Variants in CEP164 observed in about 807,000 individuals in gnomAD.
CEP164 encodes the protein centrosomal protein 164.
Under a neutral mutation model 182.7 loss-of-function variants are expected in CEP164, and 162 were observed. That is an observed-to-expected ratio of 0.89 (90% CI 0.78 to 1.01). CEP164 has a LOEUF of 1.01. Ranked by LOEUF, CEP164 falls within the 50% of genes least tolerant of loss-of-function variation. The probability of loss-of-function intolerance (pLI) is 0.00; values close to 1 mark genes in which losing one functional copy is unlikely to be tolerated. For synonymous variants in CEP164, 661 were observed against 690.0 expected (o/e 0.96, Z 0.66); for missense variants, 1,735 against 1,790.4 (o/e 0.97, Z 0.56).
rs1209107349 is a variant in CEP164 at position 117,350,508 on chromosome 11, A to T, written c.195-1282A>T. Among the ~76,000 whole-genome samples the T allele has an allele frequency of 3.3e-5, 5 of 152,218 alleles. No individual in the cohort carries two copies. The East Asian group carries it at 9.6e-4, about 29-fold the overall frequency. ...ATTTGCATTTTCCCAGTGTTTAGTG[A>T]TGTGGGACATCTTTTCATGTGCTTA... On this transcript the variant is annotated intron_variant, in intron 4 of 32. Coordinates refer to ENST00000278935, the MANE Select transcript of CEP164 (RefSeq NM_014956.5).
chr11:117,346,759 G>A (rs1000335492), intron 4 of CEP164, among the ~76,000 whole-genome samples: 3 of 151,892 alleles, frequency 2.0e-5, no homozygotes, highest in East Asian at 3.9e-4. Flanking sequence ...AGCTACTTCC[G>A]AAGTTGAGTT....
At chr11:117,376,507 C>T (rs1181970142) in intron 11 of CEP164, among the ~76,000 whole-genome samples, 1 of 152,194 alleles carries the variant, frequency 6.6e-6, no homozygotes, top group Admixed American at 6.5e-5. Flanking sequence ...GCAGTTCTGG[C>T]ACATGATCTC....
intron 2 of CEP164, chr11:117,336,473 A>G: frequency 1.3e-6 from 2 of 1,487,080 alleles, no homozygotes; most frequent in South Asian, 1.2e-5. Flanking sequence ...CCTGGGAGGA[A>G]AGCTGGATTG....
At chr11:117,357,110 A>G (rs2040394811) in intron 5 of CEP164, among the ~76,000 whole-genome samples, 1 of 152,070 alleles carries the variant, frequency 6.6e-6, no homozygotes, top group African/African-American at 2.4e-5. Context: ...TTTTTATTTT[A>G]TTTTTTAGAC....
intron 14 of CEP164, chr11:117,386,420 CT>C (rs1202632522): frequency 6.6e-6 from 1 of 152,222 alleles, no homozygotes; most frequent in African/African-American, 2.4e-5. Context: ...TTATACACAT[CT>C]TTTTAATGGA....
rs1310438763 is a variant in CEP164 at position 117,410,823 on chromosome 11, T to C, written c.4097-5T>C. ...TTTCTGAGTCCTGTCCCCATGCTCTTCCAGCTGGCATCCCGCTGCTCAGCA... is the reference window on the plus strand; with the variant it reads ...TTTCTGAGTCCTGTCCCCATGCTCTCCCAGCTGGCATCCCGCTGCTCAGCA... On this transcript the variant is annotated splice_region_variant and splice_polypyrimidine_tract_variant and intron_variant, in intron 30 of 32. Transcript: ENST00000278935. 2.5e-6 allele frequency: 4 copies of C among 1,611,952 alleles called. No individual in the cohort carries two copies. The highest frequency in any genetic ancestry group is 2.2e-5 in the East Asian group (1 of 44,826).
At chr11:117,336,781 G>A (rs2037198862) in intron 2 of CEP164, 1 of 606,912 alleles carries the variant, frequency 1.6e-6, no homozygotes. Context: ...TTCTGAGGAA[G>A]TGGGGACTGG....
intron 5 of CEP164, among the ~76,000 whole-genome samples, chr11:117,359,950 A>G (rs1455121417): frequency 6.6e-6 from 1 of 152,124 alleles, no homozygotes; most frequent in East Asian, 1.9e-4. Flanking sequence ...GGTCTCACGA[A>G]TTCTGACTCG....
In CEP164 at chr11:117,410,894, G is replaced by T; in HGVS notation, c.4163G>T (p.Ser1388Ile). ...AGCAGGCTGGGTTACATGTCTGCCAGGTGAGCCTCCCTGGGGGCTGGTTGG... is the reference window on the plus strand; with the variant it reads ...AGCAGGCTGGGTTACATGTCTGCCATGTGAGCCTCCCTGGGGGCTGGTTGG... ...LESRLGYMSA[S>I]EQLRLLQHSH... Residue 1388 changes from serine to isoleucine, a missense_variant and splice_region_variant, in exon 31 of 33, where the codon AGT becomes ATT. Transcript: ENST00000278935. 1 of 1,612,774 alleles carries T rather than the reference G, an allele frequency of 6.2e-7. No individual in the cohort carries two copies. Among genetic ancestry groups the T allele is most frequent in the East Asian group, 2.2e-5 (1 of 44,846 alleles).
chr11:117,349,992 C>T (rs2039415798), intron 4 of CEP164, among the ~76,000 whole-genome samples: 1 of 152,100 alleles, frequency 6.6e-6, no homozygotes, highest in African/African-American at 2.4e-5. Context: ...TCAGGCTGGT[C>T]TCAAACTCCT....
chr11:117,363,411 C>G lies in CEP164; in HGVS notation c.688-18C>G, dbSNP rs994330234. 3.8e-6 allele frequency: 6 copies of G among 1,598,844 alleles called. No individual in the cohort carries two copies. The highest frequency in any genetic ancestry group is 5.1e-6 in the Non-Finnish European group (6 of 1,166,314). ...CAGTTTCTTCAGAGTTACCACTTGT[C>G]ATCATTTTTGTTTCTAGAGTGTCCA... On this transcript the variant is annotated intron_variant, in intron 7 of 32. Transcript: ENST00000278935.
intron 5 of CEP164, among the ~76,000 whole-genome samples, chr11:117,353,899 T>G (rs1217685499): frequency 2.0e-5 from 3 of 152,210 alleles, no homozygotes; most frequent in African/African-American, 7.2e-5. Context: ...TAGACAATGC[T>G]AGACTGAGTT....
At chr11:117,371,011 G>A in intron 8 of CEP164, 69 bp from the exon 9 acceptor site, 2 of 1,477,020 alleles carry the variant, frequency 1.4e-6, no homozygotes, top group South Asian at 1.4e-5. Context: ...TTTCCATCTT[G>A]TAGCATGTCT....
Position 117,362,387 on chromosome 11 carries a change from CCTT to C in CEP164, c.553-14_553-12del, listed in dbSNP as rs528562663. ...TCTTCCAAGTGAGTCCTTTGACTGT[CCTT>C]CTCTATTTTGAAGCCTTCACAGGGT... On this transcript the variant is annotated splice_polypyrimidine_tract_variant and intron_variant, in intron 6 of 32. Coordinates refer to ENST00000278935, the MANE Select transcript of CEP164 (RefSeq NM_014956.5). 6.2e-6 allele frequency: 10 copies of C among 1,607,348 alleles called. No individual in the cohort carries two copies. The highest frequency in any genetic ancestry group is 3.5e-4 in the Middle Eastern group (2 of 5,722).
At position 117,344,096 on chromosome 11, in the gene CEP164, A is replaced by G. The variant is rs1350569083; in HGVS notation, c.83-70A>G. 3 of 821,052 alleles carry G rather than the reference A, an allele frequency of 3.7e-6. No homozygotes were observed. In the African/African-American group the frequency reaches 5.2e-5, roughly 14 times the overall value. 50.9% of individuals were successfully genotyped at this position (821,052 alleles called of 1,614,324 possible). ...CATTGATGGAGAGAAAAGACAAAGT[A>G]GAAAAAAGATTGTGAGTTTTTTTCT... On this transcript the variant is annotated intron_variant, in intron 3 of 32. Transcript: ENST00000278935.
chr11:117,328,542 C>T (rs1040389321), intron 1 of CEP164, among the ~76,000 whole-genome samples: 1 of 152,360 alleles, frequency 6.6e-6, no homozygotes, highest in South Asian at 2.1e-4. Context: ...AAGCTCCCTT[C>T]TACTCGGCGC....
intron 17 of CEP164, among the ~76,000 whole-genome samples, chr11:117,391,990 G>C (rs559104790): frequency 6.6e-6 from 1 of 152,346 alleles, no homozygotes; most frequent in South Asian, 2.1e-4. Flanking sequence ...GGTGGGAGCA[G>C]AGAGCCGAAA....
At chr11:117,353,072 G>T (rs531032223) in intron 5 of CEP164, among the ~76,000 whole-genome samples, 1 of 152,136 alleles carries the variant, frequency 6.6e-6, no homozygotes, top group Non-Finnish European at 1.5e-5. Flanking sequence ...GAACGCTGTG[G>T]TGGTCCCTTT....
chr11:117,373,259 C>T (rs192318190), intron 9 of CEP164, among the ~76,000 whole-genome samples: 2 of 151,766 alleles, frequency 1.3e-5, no homozygotes, highest in Non-Finnish European at 2.9e-5. Flanking sequence ...CCCAGCTACT[C>T]GGGAGGCTGA....
Sources: allele counts gnomAD v4.1 joint callset (sites outside exome capture counted in the v4.1 genomes callset), GRCh38; gene constraint gnomAD v4.1.1; transcripts MANE v1.5; gene names NCBI Gene and HGNC (gene_info 2026-07-23, HGNC 2026-07-21).